Variants in FUT8 observed in about 807,000 individuals in gnomAD.
FUT8 encodes the protein alpha-(1,6)-fucosyltransferase.
Under a neutral mutation model 71.3 loss-of-function variants are expected in FUT8, and 29 were observed. That is an observed-to-expected ratio of 0.41 (90% CI 0.30 to 0.55). FUT8 has a LOEUF of 0.55. Ranked by LOEUF, FUT8 falls within the 20% of genes least tolerant of loss-of-function variation. FUT8 has a pLI of 0.34. For synonymous variants in FUT8, 254 were observed against 239.3 expected (o/e 1.06, Z -0.57); for missense variants, 544 against 702.1 (o/e 0.77, Z 2.55).
At chr14:65,723,484 TGTC>T (rs1895530453) in intron 8 of FUT8, among the ~76,000 whole-genome samples, 3 of 152,192 alleles carry the variant, frequency 2.0e-5, no homozygotes, top group African/African-American at 4.8e-5. Context: ...TAATATCTGC[TGTC>T]ATTTGATATG....
intron 7 of FUT8, among the ~76,000 whole-genome samples, chr14:65,679,994 T>C (rs577273230): frequency 2.0e-5 from 3 of 152,346 alleles, no homozygotes; most frequent in Non-Finnish European, 2.9e-5. Context: ...CCATTGTATA[T>C]GGCCCACTGT....
At chr14:65,508,690 C>A (rs978278223) in intron 2 of FUT8, among the ~76,000 whole-genome samples, 1 of 151,356 alleles carries the variant, frequency 6.6e-6, no homozygotes, top group Non-Finnish European at 1.5e-5. Flanking sequence ...TTAGTAGAGA[C>A]GGAGTTTCAC....
chr14:65,554,762 C>T (rs1226275988), intron 2 of FUT8, among the ~76,000 whole-genome samples: 2 of 152,102 alleles, frequency 1.3e-5, no homozygotes, highest in African/African-American at 4.8e-5. Flanking sequence ...AGTCTTTCCT[C>T]TGTGTTCCAG....
chr14:65,594,427 A>G (rs892192123), intron 3 of FUT8, among the ~76,000 whole-genome samples: 1 of 152,172 alleles, frequency 6.6e-6, no homozygotes, highest in Non-Finnish European at 1.5e-5. Flanking sequence ...CCAAGGCCCC[A>G]GGGGGTATGT....
At chr14:65,668,856 AG>A (rs1892340948) in intron 6 of FUT8, among the ~76,000 whole-genome samples, 1 of 152,220 alleles carries the variant, frequency 6.6e-6, no homozygotes, top group Admixed American at 6.5e-5. Flanking sequence ...GCCATAAAAA[AG>A]AATGAGATCA....
chr14:65,495,872 T>C (rs1025192004), intron 2 of FUT8, among the ~76,000 whole-genome samples: 3 of 152,120 alleles, frequency 2.0e-5, no homozygotes, highest in Admixed American at 6.6e-5. Flanking sequence ...GTGGTGGGAA[T>C]AGACAAGCTA....
chr14:65,403,058 T>G, the FUT8 span, among the ~76,000 whole-genome samples: 2 of 152,202 alleles, frequency 1.3e-5, no homozygotes, highest in Admixed American at 1.3e-4. Context: ...TAGATTCTGT[T>G]TTCATGTTAT....
intron 7 of FUT8, among the ~76,000 whole-genome samples, chr14:65,693,243 G>C (rs968902284): frequency 3.3e-5 from 5 of 152,264 alleles, no homozygotes; most frequent in Non-Finnish European, 7.3e-5. Context: ...ACGAGACTCC[G>C]TCTGCAATCC....
At chr14:65,549,887 C>T (rs1885191317) in intron 2 of FUT8, among the ~76,000 whole-genome samples, 1 of 152,068 alleles carries the variant, frequency 6.6e-6, no homozygotes, top group African/African-American at 2.4e-5. Context: ...CAGTGAAAAC[C>T]TGTCTCTACT....
At position 65,489,473 on chromosome 14, in the gene FUT8, A is replaced by G. The variant is rs1336736663; in HGVS notation, c.-228+33755A>G. ...CTCTGCTATCCAGGGATAAAACATA[A>G]CATGCAATTAAAAAAATTTCAGCCA... is the stretch of plus-strand genomic sequence containing the variant. On this transcript the variant is annotated intron_variant, in intron 2 of 10. Transcript: ENST00000673929. The surrounding 1 kb of genome is among the most constrained non-coding windows in gnomAD (Gnocchi z 4.0). 6.6e-6 allele frequency among the ~76,000 whole-genome samples: 1 copy of G among 152,150 alleles called. No homozygotes were observed. The highest frequency in any genetic ancestry group is 1.5e-5 in the Non-Finnish European group (1 of 68,012).
chr14:65,606,435 G>A (rs1385829503), intron 3 of FUT8, among the ~76,000 whole-genome samples: 3 of 151,134 alleles, frequency 2.0e-5, no homozygotes, highest in African/African-American at 7.3e-5. Context: ...TATGGTTTGG[G>A]CTTTTAAAAA....
chr14:65,731,012 T>G (rs1895954639), intron 9 of FUT8, among the ~76,000 whole-genome samples: 1 of 152,232 alleles, frequency 6.6e-6, no homozygotes, highest in Non-Finnish European at 1.5e-5. Flanking sequence ...ACAAGAACAA[T>G]TTGTTAAAAG....
intron 2 of FUT8, among the ~76,000 whole-genome samples, chr14:65,534,552 T>TC (rs1398916374): frequency 6.7e-6 from 1 of 148,984 alleles, no homozygotes; most frequent in Non-Finnish European, 1.5e-5. Flanking sequence ...TGTTTTTCTT[T>TC]TTTTTTTTTT....
intron 2 of FUT8, among the ~76,000 whole-genome samples, chr14:65,485,464 C>T (rs2066395407): frequency 6.6e-6 from 1 of 152,194 alleles, no homozygotes; most frequent in East Asian, 1.9e-4. Flanking sequence ...TTATTCCTCA[C>T]TACTGAGGCA....
At chr14:65,458,766 TC>T (rs1027629539) in intron 2 of FUT8, among the ~76,000 whole-genome samples, 1 of 151,906 alleles carries the variant, frequency 6.6e-6, no homozygotes, top group African/African-American at 2.4e-5. Flanking sequence ...AACCTTTTTT[TC>T]CTTTCCTTTC....
At chr14:65,384,951 G>A in the FUT8 span, among the ~76,000 whole-genome samples, 1 of 151,282 alleles carries the variant, frequency 6.6e-6, no homozygotes, top group South Asian at 2.1e-4. The surrounding 1 kb of genome is among the most constrained non-coding windows in gnomAD (Gnocchi z 4.2). Flanking sequence ...GAGTGCAATG[G>A]CATGATCTCA....
chr14:65,421,863 ATTG>A (rs1177616644), intron 1 of FUT8, among the ~76,000 whole-genome samples: 1 of 151,056 alleles, frequency 6.6e-6, no homozygotes, highest in Non-Finnish European at 1.5e-5. Context: ...GCAGGAATTT[ATTG>A]TTTCAGGCTT....
rs547829822 is a variant in FUT8, at chr14:65,710,455, A to T, written c.836-11320A>T. On this transcript the variant is annotated intron_variant, in intron 7 of 10. Coordinates refer to ENST00000673929, the MANE Select transcript of FUT8 (RefSeq NM_001371533.1). The stretch of plus-strand genomic sequence containing the variant: ...AGCATGTACTATGTTATTTTCTTTC[A>T]TTTTGAAATATGTTGTTATTGAGGA... Among the ~76,000 whole-genome samples, 3 of 152,266 alleles carry T rather than the reference A, an allele frequency of 2.0e-5. No individual in the cohort carries two copies. The South Asian group carries it at 6.2e-4, about 32-fold the overall frequency.
chr14:65,515,758 G>A (rs754857804), intron 2 of FUT8, among the ~76,000 whole-genome samples: 7 of 152,028 alleles, frequency 4.6e-5, no homozygotes, highest in Non-Finnish European at 1.0e-4. Context: ...ACATTGTATT[G>A]AAGGGTTACA....
Sources: gnomAD v4.1 joint callset for allele counts (sites outside exome capture counted in the v4.1 genomes callset) on GRCh38, gnomAD v4.1.1 for gene constraint, Gnocchi (gnomAD v3.1) non-coding constraint, MANE v1.5 for transcripts, NCBI Gene and HGNC (gene_info 2026-07-23, HGNC 2026-07-21) for gene names.